The following SLC18A1 variants were observed in gnomAD, a reference collection of about 807,000 sequenced individuals.
SLC18A1 encodes the protein chromaffin granule amine transporter.
A neutral mutation model predicts 53.7 loss-of-function variants in SLC18A1; 69 were observed. The observed-to-expected ratio is 1.28, with a 90% CI of 1.06 to 1.57. The LOEUF (loss-of-function observed/expected upper bound fraction) is 1.57, where lower values mean the gene tolerates loss of function less well. Ranked by LOEUF, SLC18A1 falls within the 40% of genes most tolerant of loss-of-function variation. The pLI is 0.00. For synonymous variants in SLC18A1, 320 were observed against 248.1 expected (o/e 1.29, Z -2.72); for missense variants, 932 against 668.1 (o/e 1.40, Z -4.35).
intron 4 of SLC18A1, chr8:20,175,243 C>G (rs1017312302): frequency 9.2e-5 from 14 of 152,136 alleles, no homozygotes; most frequent in African/African-American, 3.1e-4. Flanking sequence ...TTATCCTATT[C>G]TTTTTTCAAG....
intron 8 of SLC18A1, 82 bp from the exon 9 acceptor site, chr8:20,165,189 T>A: frequency 8.1e-7 from 1 of 1,238,482 alleles, no homozygotes; most frequent in Non-Finnish European, 1.2e-6. Flanking sequence ...GAAAGTACAA[T>A]TATGGGCTTA....
Position 20,171,393 on chromosome 8 carries a change from A to T in SLC18A1, c.814+12T>A. ...GGGCTGTCACCTGCTGGAGGCTCTGATGGTGACTTACCTCCATCCAGTAGT... is the reference window on the plus strand; with the variant it reads ...GGGCTGTCACCTGCTGGAGGCTCTGTTGGTGACTTACCTCCATCCAGTAGT... On this transcript the variant is annotated intron_variant, in intron 7 of 15. Transcript: ENST00000276373. 4 of 1,609,840 alleles carry T rather than the reference A, an allele frequency of 2.5e-6. No homozygotes were observed. Among genetic ancestry groups the T allele is most frequent in the Non-Finnish European group, 3.4e-6 (4 of 1,176,210 alleles).
At chr8:20,153,621 T>G (rs191575633) in intron 10 of SLC18A1, among the ~76,000 whole-genome samples, 1 of 151,166 alleles carries the variant, frequency 6.6e-6, no homozygotes, top group Non-Finnish European at 1.5e-5. Context: ...GAGCTTGCAG[T>G]GAGCCACTGC....
chr8:20,155,373 C>T (rs974710995), intron 10 of SLC18A1, among the ~76,000 whole-genome samples: 3 of 152,208 alleles, frequency 2.0e-5, no homozygotes, highest in African/African-American at 7.2e-5. Context: ...ACTTAAGACT[C>T]AGCTGGGAGG....
intron 8 of SLC18A1, among the ~76,000 whole-genome samples, chr8:20,169,762 C>A (rs2072063233): frequency 6.6e-6 from 1 of 152,004 alleles, no homozygotes; most frequent in African/African-American, 2.4e-5. Flanking sequence ...GCTTGTAATC[C>A]CAGCTACTTG....
At chr8:20,157,748 C>T in intron 10 of SLC18A1, among the ~76,000 whole-genome samples, 1 of 152,158 alleles carries the variant, frequency 6.6e-6, no homozygotes, top group Admixed American at 6.5e-5. Context: ...CCCTACTGAA[C>T]TTGGCAACCT....
chr8:20,169,194 G>A (rs766760564), intron 8 of SLC18A1, among the ~76,000 whole-genome samples: 3 of 151,982 alleles, frequency 2.0e-5, no homozygotes, highest in Non-Finnish European at 4.4e-5. Flanking sequence ...ACCAAATTTA[G>A]GAATACCCTA....
chr8:20,157,897 G>A (rs2071722105), intron 10 of SLC18A1, among the ~76,000 whole-genome samples: 1 of 152,198 alleles, frequency 6.6e-6, no homozygotes, highest in Admixed American at 6.5e-5. Context: ...CAAATCAAAT[G>A]CCTAATAGGG....
At chr8:20,174,504 G>A (rs367786057) in intron 4 of SLC18A1, 60 bp from the exon 5 acceptor site, 94 of 1,126,670 alleles carry the variant, frequency 8.3e-5, no homozygotes, top group African/African-American at 2.8e-4. Context: ...TTCCCCAGCC[G>A]CCAGAGAACA....
At position 20,167,570 on chromosome 8, in the gene SLC18A1, T is replaced by G. The variant is rs151023530; in HGVS notation, c.859-2463A>C. Among the ~76,000 whole-genome samples the G allele has an allele frequency of 7.1e-4, 108 of 152,206 alleles. 3 individuals are homozygous for G. In the East Asian group the frequency reaches 0.016, roughly 22 times the overall value. On this transcript the variant is annotated intron_variant, in intron 8 of 15. Coordinates refer to ENST00000276373, the MANE Select transcript of SLC18A1 (RefSeq NM_003053.4). ...TCATCAAGATGGCAGGGAAACAAGG[T>G]GACCCCAATGGCAAAGAGCACATTG...
At chr8:20,149,381 A>G (rs2071486539) in intron 12 of SLC18A1, among the ~76,000 whole-genome samples, 1 of 151,794 alleles carries the variant, frequency 6.6e-6, no homozygotes, top group Non-Finnish European at 1.5e-5. Flanking sequence ...ACAGCCTCAG[A>G]CCTCCGGCTC....
chr8:20,160,646 C>T (rs1497025), intron 10 of SLC18A1, among the ~76,000 whole-genome samples: 128,230 of 152,192 alleles, frequency 0.84, 54,403 homozygotes, highest in African/African-American at 0.94. Flanking sequence ...CTGAAAAATA[C>T]CTACTTTTTT....
chr8:20,156,257 C>CAAA (rs34048931), intron 10 of SLC18A1, among the ~76,000 whole-genome samples: 113 of 132,200 alleles, frequency 8.5e-4, no homozygotes, highest in African/African-American at 3.0e-3. Flanking sequence ...TATCCTAAGT[C>CAAA]AAAAAAAAAA....
intron 8 of SLC18A1, among the ~76,000 whole-genome samples, chr8:20,166,563 T>G (rs2071971532): frequency 6.7e-6 from 1 of 148,890 alleles, no homozygotes; most frequent in Non-Finnish European, 1.5e-5. Context: ...TACCTATGAG[T>G]GGTAGGGGTG....
chr8:20,157,780 A>T (rs909717960), intron 10 of SLC18A1, among the ~76,000 whole-genome samples: 1 of 152,190 alleles, frequency 6.6e-6, no homozygotes, highest in African/African-American at 2.4e-5. Context: ...AATAGAGATC[A>T]GGAGGAGCAG....
chr8:20,149,917 G>A (rs965714735), intron 11 of SLC18A1, among the ~76,000 whole-genome samples, 190 bp from the exon 12 acceptor site: 1 of 152,032 alleles, frequency 6.6e-6, no homozygotes, highest in African/African-American at 2.4e-5. Context: ...TGTCTCCCCT[G>A]GCTCCATCCC....
At chr8:20,177,449 T>C (rs1232639549) in intron 4 of SLC18A1, among the ~76,000 whole-genome samples, 2 of 151,926 alleles carry the variant, frequency 1.3e-5, no homozygotes, top group South Asian at 2.1e-4. Flanking sequence ...AGAGAACACA[T>C]GGACACCGGA....
chr8:20,163,878 G>T (rs2071889615), intron 10 of SLC18A1, among the ~76,000 whole-genome samples: 1 of 152,146 alleles, frequency 6.6e-6, no homozygotes, highest in Non-Finnish European at 1.5e-5. Context: ...CTAGGCTGCT[G>T]GGGAGGAGCT....
intron 1 of SLC18A1, among the ~76,000 whole-genome samples, 164 bp downstream of exon 1, chr8:20,182,899 C>A (rs928919651): frequency 1.1e-4 from 16 of 152,100 alleles, no homozygotes; most frequent in African/African-American, 3.6e-4. Context: ...GTAAGTACTA[C>A]AAAGAGAGAG....
Sources: gnomAD v4.1 joint callset for allele counts (sites outside exome capture counted in the v4.1 genomes callset) on GRCh38, gnomAD v4.1.1 for gene constraint, MANE v1.5 for transcripts, NCBI Gene and HGNC (gene_info 2026-07-23, HGNC 2026-07-21) for gene names.